FBXO11: variants seen among roughly 807,000 people sequenced by gnomAD.
FBXO11 encodes the protein F-box only protein 11.
A neutral mutation model predicts 117.0 loss-of-function variants in FBXO11; 13 were observed. The ratio of observed to expected loss-of-function variants is 0.11; its 90% confidence interval spans 0.07 to 0.18. FBXO11 has a LOEUF of 0.18. FBXO11 is among the 10% of genes least tolerant of loss of function. The pLI, the probability that FBXO11 is intolerant of heterozygous loss-of-function variation, is 1.00. For missense variants in FBXO11, 767 were observed against 1,164.4 expected, an observed-to-expected ratio of 0.66 and a Z score of 4.97; for synonymous variants, 490 against 380.5, an observed-to-expected ratio of 1.29 and a Z score of -3.35.
intron 1 of FBXO11, among the ~76,000 whole-genome samples, chr2:47,880,373 T>C (rs1377752799): frequency 1.3e-5 from 2 of 152,252 alleles, no homozygotes; most frequent in African/African-American, 2.4e-5. Context: ...CTTCTACTTT[T>C]AGTATTTTCA....
chr2:47,849,976 T>G (rs1673732375), intron 1 of FBXO11, among the ~76,000 whole-genome samples: 1 of 152,174 alleles, frequency 6.6e-6, no homozygotes, highest in African/African-American at 2.4e-5. Context: ...TGATTTTGGT[T>G]TTAGGAAGAT....
rs1218542413 is a variant in FBXO11, at chr2:47,832,424, A to G, written c.1323T>C (p.His441=). 3 of 1,613,760 alleles carry G rather than the reference A, an allele frequency of 1.9e-6. No individual in the cohort carries two copies. The highest frequency in any genetic ancestry group is 2.7e-5 in the African/African-American group (2 of 74,930). ...NALAGIWVKN[H]GNPIIRRNHI... is the part of the protein sequence containing the mutation. Reference sequence around the variant, plus strand: ...GATTCCGTCTAATAATTGGGTTTCCATGATTTTTAACCCAAATCCCAGCTA... The same window carrying G: ...GATTCCGTCTAATAATTGGGTTTCCGTGATTTTTAACCCAAATCCCAGCTA... The change falls in exon 11 of 23, where the codon CAT becomes CAC. Residue 441 remains histidine, a synonymous_variant. Transcript: ENST00000403359.
chr2:47,849,508 T>C (rs1167921719), intron 1 of FBXO11, among the ~76,000 whole-genome samples: 1 of 152,236 alleles, frequency 6.6e-6, no homozygotes, highest in African/African-American at 2.4e-5. Flanking sequence ...AATCTTGCCA[T>C]GGACTGTGCT....
At chr2:47,842,727 T>G (rs1673107561) in intron 1 of FBXO11, among the ~76,000 whole-genome samples, 1 of 151,790 alleles carries the variant, frequency 6.6e-6, no homozygotes, top group Non-Finnish European at 1.5e-5. Context: ...TAAATATTAT[T>G]CGATTAACAT....
intron 1 of FBXO11, among the ~76,000 whole-genome samples, chr2:47,859,833 G>A (rs1572859984): frequency 6.6e-6 from 1 of 152,220 alleles, no homozygotes; most frequent in East Asian, 1.9e-4. Context: ...TCATGAAATA[G>A]TCTATTTTTT....
chr2:47,894,497 A>G (rs1011550229), intron 1 of FBXO11, among the ~76,000 whole-genome samples: 8 of 152,200 alleles, frequency 5.3e-5, no homozygotes, highest in Admixed American at 1.3e-4. Flanking sequence ...AAAAGGAAGC[A>G]AGTTTTTGGA....
chr2:47,874,819 G>A (rs948371104), intron 1 of FBXO11, among the ~76,000 whole-genome samples: 1 of 149,842 alleles, frequency 6.7e-6, no homozygotes, highest in Non-Finnish European at 1.5e-5. Context: ...ATAGGCATGT[G>A]CCACCATGCC....
At chr2:47,850,711 C>A (rs1446020248) in intron 1 of FBXO11, among the ~76,000 whole-genome samples, 1 of 152,158 alleles carries the variant, frequency 6.6e-6, no homozygotes, top group Non-Finnish European at 1.5e-5. Flanking sequence ...AAAAGAAAAT[C>A]TCCAACTGAC....
intron 1 of FBXO11, among the ~76,000 whole-genome samples, chr2:47,865,508 G>T (rs1462781668): frequency 6.6e-6 from 1 of 152,140 alleles, no homozygotes; most frequent in Non-Finnish European, 1.5e-5. Flanking sequence ...ATAAAACAGG[G>T]GCCTAGGTCC....
intron 1 of FBXO11, among the ~76,000 whole-genome samples, chr2:47,868,905 C>T (rs1055545736): frequency 1.3e-4 from 20 of 152,186 alleles, no homozygotes; most frequent in African/African-American, 4.8e-4. Flanking sequence ...CACTTCACAG[C>T]AAATGAAAGG....
intron 1 of FBXO11, among the ~76,000 whole-genome samples, chr2:47,857,204 T>C (rs1379244005): frequency 6.6e-6 from 1 of 152,186 alleles, no homozygotes; most frequent in African/African-American, 2.4e-5. Flanking sequence ...AAAATCAGTA[T>C]ACAAACTGCC....
chr2:47,845,498 G>A (rs571880475), intron 1 of FBXO11, among the ~76,000 whole-genome samples: 1 of 152,224 alleles, frequency 6.6e-6, no homozygotes, highest in East Asian at 1.9e-4. Context: ...CTTAAAAAGG[G>A]ATCATTCTGG....
chr2:47,850,673 G>C (rs1039808567), intron 1 of FBXO11, among the ~76,000 whole-genome samples: 1 of 152,166 alleles, frequency 6.6e-6, no homozygotes, highest in Non-Finnish European at 1.5e-5. Context: ...GCCCAGAATT[G>C]ACCAAAGTTC....
At chr2:47,844,058 A>T (rs2104899825) in intron 1 of FBXO11, among the ~76,000 whole-genome samples, 1 of 152,168 alleles carries the variant, frequency 6.6e-6, no homozygotes, top group Non-Finnish European at 1.5e-5. Context: ...GCTTATTCTT[A>T]ACCATTTATT....
chr2:47,903,547 TA>T (rs1043521317), intron 1 of FBXO11, among the ~76,000 whole-genome samples: 1 of 152,198 alleles, frequency 6.6e-6, no homozygotes, highest in African/African-American at 2.4e-5. Flanking sequence ...AACAAATGAA[TA>T]AAAGTGTCCA....
rs1209908977 is a variant in FBXO11, at chr2:47,870,059, T to C, written c.233-30290A>G. Among the ~76,000 whole-genome samples, 12 of 152,204 alleles carry C rather than the reference T, an allele frequency of 7.9e-5. 1 individual carries two copies. In the South Asian group the frequency reaches 1.9e-3, roughly 24 times the overall value. On this transcript the variant is annotated intron_variant, in intron 1 of 22. Coordinates refer to ENST00000403359, the MANE Select transcript of FBXO11 (RefSeq NM_001190274.2). The stretch of plus-strand genomic sequence containing the variant: ...GGCCTTATCCATTCAGTGGAAGATC[T>C]GAATAAAACACAAAGGCCTCTCCAA...
chr2:47,846,242 CAGATCAT>C (rs1673398468), intron 1 of FBXO11, among the ~76,000 whole-genome samples: 1 of 152,058 alleles, frequency 6.6e-6, no homozygotes, highest in Non-Finnish European at 1.5e-5. Flanking sequence ...CCCAGGCGGG[CAGATCAT>C]CTGAGGTTGG....
At chr2:47,846,764 AATT>A (rs1673445432) in intron 1 of FBXO11, among the ~76,000 whole-genome samples, 2 of 152,330 alleles carry the variant, frequency 1.3e-5, no homozygotes, top group South Asian at 2.1e-4. Flanking sequence ...GTAAATATAA[AATT>A]ATTACTGAGA....
intron 1 of FBXO11, among the ~76,000 whole-genome samples, chr2:47,879,460 G>A (rs1026274808): frequency 2.6e-5 from 4 of 152,118 alleles, no homozygotes; most frequent in African/African-American, 9.7e-5. Context: ...CCTAATAAGG[G>A]AACTATAATC....
Sources: gnomAD v4.1 joint callset for allele counts (sites outside exome capture counted in the v4.1 genomes callset) on GRCh38, gnomAD v4.1.1 for gene constraint, MANE v1.5 for transcripts, NCBI Gene and HGNC (gene_info 2026-07-23, HGNC 2026-07-21) for gene names.